The following WNK2 variants were observed in gnomAD, a reference collection of about 807,000 sequenced individuals.
WNK2 encodes the protein serine/threonine-protein kinase WNK2.
A neutral mutation model predicts 192.1 loss-of-function variants in WNK2; 67 were observed. The ratio of observed to expected loss-of-function variants is 0.35; its 90% CI spans 0.29 to 0.43. The LOEUF (loss-of-function observed/expected upper bound fraction) is 0.43. Among genes scored for constraint, WNK2 ranks in the 20% least tolerant of loss-of-function variants. WNK2 has a pLI of 1.00. For missense variants in WNK2, 2,698 were observed against 3,089.7 expected (o/e 0.87, Z 3.01); for synonymous variants, 1,439 against 1,393.9 (o/e 1.03, Z -0.72).
intron 28 of WNK2, among the ~76,000 whole-genome samples, chr9:93,311,711 T>C (rs925178871): frequency 2.0e-5 from 3 of 151,820 alleles, no homozygotes; most frequent in African/African-American, 4.8e-5. Flanking sequence ...CTGTAACCTC[T>C]ACCCTCTAGG....
chr9:93,292,949 G>A lies in WNK2; in HGVS notation c.5484G>A (p.Val1828=). The change falls in exon 23 of 30, where the codon GTG becomes GTA. Residue 1828 remains valine (V), a synonymous_variant. Coordinates refer to ENST00000427277, the MANE Select transcript of WNK2 (RefSeq NM_006648.4). ...TGCAGAAGCAGGCGTCCCTGCCCGT[G>A]AGTGGCAGCGTGGCTGGCGACTTCG... ...PPVQKQASLP[V]SGSVAGDFVK... The A allele has an allele frequency of 6.5e-7, 1 of 1,534,630 alleles. No homozygotes were observed. The highest frequency in any genetic ancestry group is 8.8e-7 in the Non-Finnish European group (1 of 1,141,574).
chr9:93,241,594 G>A (rs1231822525), intron 7 of WNK2, among the ~76,000 whole-genome samples: 1 of 152,062 alleles, frequency 6.6e-6, no homozygotes, highest in African/African-American at 2.4e-5. Context: ...AGAGGTGGGA[G>A]GGGCGGCTGC....
At chr9:93,210,028 C>T (rs766220284) in intron 2 of WNK2, among the ~76,000 whole-genome samples, 7 of 152,090 alleles carry the variant, frequency 4.6e-5, no homozygotes, top group Non-Finnish European at 8.8e-5. Context: ...TGGGGGTTCC[C>T]CTCTTTGGGG....
At chr9:93,310,702 C>T (rs1165141024) in intron 28 of WNK2, among the ~76,000 whole-genome samples, 3 of 152,188 alleles carry the variant, frequency 2.0e-5, no homozygotes. Context: ...ACTCTAAGTA[C>T]CTCATAGAAA....
At chr9:93,305,324 G>T (rs1852330947) in intron 26 of WNK2, among the ~76,000 whole-genome samples, 1 of 152,100 alleles carries the variant, frequency 6.6e-6, no homozygotes, top group Non-Finnish European at 1.5e-5. Flanking sequence ...AGACTTCAGG[G>T]GCCCCTCCTG....
At chr9:93,262,418 A>T (rs1017383877) in intron 13 of WNK2, among the ~76,000 whole-genome samples, 1 of 152,242 alleles carries the variant, frequency 6.6e-6, no homozygotes, top group Non-Finnish European at 1.5e-5. Context: ...ACATTTTTGG[A>T]AAGGAAGTGG....
At chr9:93,209,039 G>T (rs1347600802) in intron 2 of WNK2, among the ~76,000 whole-genome samples, 2 of 152,166 alleles carry the variant, frequency 1.3e-5, no homozygotes, top group Non-Finnish European at 2.9e-5. Flanking sequence ...GGACCAAGAG[G>T]TTGCAGCTCT....
rs144805346 is a variant in WNK2 at position 93,215,441 on chromosome 9, T to C, written c.682-14255T>C. ...TTTTAAAATAATGTTTTGATTTCAT[T>C]ATTTATACCCTCTTTTCCAGAACCC... is the stretch of plus-strand genomic sequence containing the variant. On this transcript the variant is annotated intron_variant, in intron 2 of 29. Coordinates refer to ENST00000427277, the MANE Select transcript of WNK2 (RefSeq NM_006648.4). Among the ~76,000 whole-genome samples the C allele has an allele frequency of 1.2e-4, 19 of 152,324 alleles. No individual in the cohort carries two copies. In the East Asian group the frequency reaches 3.3e-3, roughly 26 times the overall value.
At chr9:93,253,902 CAG>C (rs1293876207) in intron 9 of WNK2, among the ~76,000 whole-genome samples, 2 of 152,184 alleles carry the variant, frequency 1.3e-5, no homozygotes, top group African/African-American at 4.8e-5. Flanking sequence ...TTGGTACCCT[CAG>C]AGCGTAGTTT....
chr9:93,280,894 A>G (rs1847626335), intron 19 of WNK2, among the ~76,000 whole-genome samples: 1 of 152,140 alleles, frequency 6.6e-6, no homozygotes, highest in Non-Finnish European at 1.5e-5. Context: ...GCTACTCTGC[A>G]GTAAAAAGGA....
intron 2 of WNK2, among the ~76,000 whole-genome samples, chr9:93,200,054 G>A (rs1034724696): frequency 2.6e-5 from 4 of 152,148 alleles, no homozygotes; most frequent in African/African-American, 9.7e-5. Context: ...GCGTTGCGTG[G>A]GGATGCTGCC....
chr9:93,238,597 C>G (rs959071379), intron 6 of WNK2, among the ~76,000 whole-genome samples: 1 of 152,224 alleles, frequency 6.6e-6, no homozygotes. Flanking sequence ...TGAGGACAGT[C>G]CTGTCCTTGG....
intron 26 of WNK2, among the ~76,000 whole-genome samples, chr9:93,305,327 C>T (rs1448266212): frequency 6.6e-6 from 1 of 152,126 alleles, no homozygotes; most frequent in Non-Finnish European, 1.5e-5. Flanking sequence ...CTTCAGGGGC[C>T]CCTCCTGCAC....
intron 2 of WNK2, among the ~76,000 whole-genome samples, chr9:93,213,128 G>A (rs1217654605): frequency 6.6e-6 from 1 of 152,158 alleles, no homozygotes; most frequent in Non-Finnish European, 1.5e-5. Flanking sequence ...ATCTTGGGAA[G>A]GGATATAAGA....
Position 93,256,387 on chromosome 9 carries a change from C to T in WNK2, c.2123C>T (p.Pro708Leu). 1.3e-6 allele frequency: 2 copies of T among 1,559,274 alleles called. No individual in the cohort carries two copies. The highest frequency in any genetic ancestry group is 1.7e-6 in the Non-Finnish European group (2 of 1,158,604). Residue 708 changes from proline to leucine, a missense_variant, in exon 10 of 30, where the codon CCC becomes CTC. By Grantham distance (98) the Pro-to-Leu change is moderately conservative. This residue lies in a region of WNK2 where 893 missense variants were observed against 909.0 expected (regional missense o/e 0.98). Coordinates refer to ENST00000427277, the MANE Select transcript of WNK2 (RefSeq NM_006648.4). ...CCGGATCCGGCCATGAGCTTCGCCC[C>T]CGTGCTGCCGCCGCCCAGCACCCCC... ...HFPDPAMSFA[P>L]VLPPPSTPMP...
chr9:93,268,138 G>A, intron 18 of WNK2, 73 bp downstream of exon 18: 1 of 1,543,838 alleles, frequency 6.5e-7, no homozygotes, highest in South Asian at 1.2e-5. Flanking sequence ...TATTACCAGG[G>A]GTTTGGCCAT....
At chr9:93,271,594 G>A (rs907137836) in intron 19 of WNK2, among the ~76,000 whole-genome samples, 38 of 152,172 alleles carry the variant, frequency 2.5e-4, no homozygotes, top group Non-Finnish European at 2.9e-5. Context: ...AACATTGAAA[G>A]TTAAAATACC....
chr9:93,299,816 C>T (rs1458663062), intron 25 of WNK2, among the ~76,000 whole-genome samples: 6 of 149,292 alleles, frequency 4.0e-5, no homozygotes, highest in Non-Finnish European at 7.4e-5. Context: ...ACCATGAAGC[C>T]GCCCCGCCCC....
At chr9:93,227,759 C>T (rs61401541) in intron 2 of WNK2, among the ~76,000 whole-genome samples, 1,764 of 152,120 alleles carry the variant, frequency 0.012, 21 homozygotes, top group Middle Eastern at 0.041. Context: ...CTCAGCCTCC[C>T]GAGTAGCTGG....
Sources: gnomAD v4.1 joint callset for allele counts (sites outside exome capture counted in the v4.1 genomes callset) on GRCh38, gnomAD v4.1.1 for gene constraint, gnomAD v4.1.1 regional missense constraint, MANE v1.5 for transcripts, NCBI Gene and HGNC (gene_info 2026-07-23, HGNC 2026-07-21) for gene names.